Variants in GRIN3A observed in about 807,000 individuals in gnomAD.
GRIN3A encodes glutamate ionotropic receptor NMDA type subunit 3A.
In GRIN3A, 47 loss-of-function variants were observed where a neutral mutation model predicts 92.4. The ratio of observed to expected loss-of-function variants is 0.51; its 90% confidence interval spans 0.40 to 0.65. The LOEUF (loss-of-function observed/expected upper bound fraction) is 0.65, where lower values mean the gene tolerates loss of function less well. GRIN3A is among the 30% of genes least tolerant of loss of function. The pLI is 0.00. For synonymous variants in GRIN3A, 527 were observed against 540.6 expected, an observed-to-expected ratio of 0.97 and a Z score of 0.35; for missense variants, 1,324 against 1,393.1, an observed-to-expected ratio of 0.95 and a Z score of 0.79.
Position 101,737,439 on chromosome 9 carries a change from G to A in GRIN3A, c.541C>T (p.Leu181=). ...ACCACGGTATGGCACACACTTTGCA[G>A]GAAGGAGAAAGGGTCACTGCTCCAT... ...SPWSSDPFSF[L]QSVCHTVVVQ... The change falls in exon 1 of 9, where the codon CTG becomes TTG. Residue 181 remains leucine, a synonymous_variant. Coordinates refer to ENST00000361820, the MANE Select transcript of GRIN3A (RefSeq NM_133445.3). The A allele has an allele frequency of 6.2e-7, 1 of 1,614,252 alleles. No individual in the cohort carries two copies.
intron 6 of GRIN3A, among the ~76,000 whole-genome samples, chr9:101,600,246 C>T (rs1440112123): frequency 1.3e-5 from 2 of 152,230 alleles, no homozygotes; most frequent in East Asian, 3.9e-4. Flanking sequence ...ATAATTATTG[C>T]CTACTTTAGG....
At chr9:101,577,152 C>G (rs1370243696) in intron 8 of GRIN3A, among the ~76,000 whole-genome samples, 2 of 152,136 alleles carry the variant, frequency 1.3e-5, no homozygotes, top group Admixed American at 1.3e-4. Flanking sequence ...ATAAGATGCT[C>G]TTTGCTAGGG....
At chr9:101,589,097 A>T (rs1184661195) in intron 6 of GRIN3A, among the ~76,000 whole-genome samples, 1 of 152,020 alleles carries the variant, frequency 6.6e-6, no homozygotes, top group Admixed American at 6.6e-5. Context: ...CTGCCTCCCA[A>T]GTAGCTGGGA....
intron 2 of GRIN3A, among the ~76,000 whole-genome samples, chr9:101,677,795 TGGGACAG>T (rs1829418830): frequency 6.6e-6 from 1 of 152,148 alleles, no homozygotes; most frequent in South Asian, 2.1e-4. Context: ...TCTCCATATA[TGGGACAG>T]TTCTCCAAAT....
chr9:101,726,647 A>G (rs1830084942), intron 1 of GRIN3A, among the ~76,000 whole-genome samples: 1 of 151,844 alleles, frequency 6.6e-6, no homozygotes, highest in African/African-American at 2.4e-5. Context: ...CACTACCCAT[A>G]TGTTCCCATT....
intron 6 of GRIN3A, chr9:101,594,676 G>A (rs1296623488): frequency 4.3e-6 from 7 of 1,614,058 alleles, no homozygotes; most frequent in Non-Finnish European, 5.9e-6. Context: ...CCTTGACGCT[G>A]AACTGGGAGG....
rs1227218738 is a variant in GRIN3A at position 101,570,423 on chromosome 9, AACACAATACACTGTTTC to A, written c.*2734_*2750del. The A allele has an allele frequency of 6.6e-6, 1 of 152,646 alleles. No individual in the cohort carries two copies. The highest frequency in any genetic ancestry group is 1.5e-5 in the Non-Finnish European group (1 of 68,046). 9.5% of individuals were successfully genotyped at this position (152,646 alleles called of 1,614,324 possible). ...ACCATTTCATGACATCATTTTACAA[AACACAATACACTGTTTC>A]ACAAATTGCAAAACACTGTTCAGTT... On this transcript the variant is annotated 3_prime_UTR_variant, in exon 9 of 9. Transcript: ENST00000361820.
intron 6 of GRIN3A, chr9:101,593,647 A>G (rs1385263274): frequency 7.2e-5 from 11 of 152,304 alleles, no homozygotes; most frequent in Admixed American, 6.5e-5. Flanking sequence ...GGTCCCCTTC[A>G]TTGAAATTAA....
At chr9:101,711,496 A>G (rs183986815) in intron 1 of GRIN3A, among the ~76,000 whole-genome samples, 70 of 152,326 alleles carry the variant, frequency 4.6e-4, no homozygotes, top group African/African-American at 1.7e-3. Flanking sequence ...TATTCCACCC[A>G]TTACGTTTCT....
intron 1 of GRIN3A, among the ~76,000 whole-genome samples, chr9:101,717,714 G>C (rs2065965): frequency 0.92 from 139,743 of 152,272 alleles, 64,425 homozygotes; most frequent in Middle Eastern, 0.98. Context: ...TGTCAAGAAT[G>C]TTTGGCTACA....
intron 4 of GRIN3A, among the ~76,000 whole-genome samples, chr9:101,625,464 G>A (rs574111557): frequency 6.6e-6 from 1 of 152,180 alleles, no homozygotes; most frequent in Non-Finnish European, 1.5e-5. Flanking sequence ...GAATGGCTTT[G>A]TCTGGGTCAT....
chr9:101,615,713 G>C (rs942398057), intron 5 of GRIN3A, among the ~76,000 whole-genome samples: 1 of 152,134 alleles, frequency 6.6e-6, no homozygotes, highest in African/African-American at 2.4e-5. Context: ...TTCATGTAGG[G>C]ATTCATGCAG....
intron 6 of GRIN3A, among the ~76,000 whole-genome samples, chr9:101,603,247 A>T (rs1475007451): frequency 6.6e-6 from 1 of 152,216 alleles, no homozygotes; most frequent in African/African-American, 2.4e-5. Flanking sequence ...TGGGACCAAG[A>T]TGGGCCTAAG....
chr9:101,593,852 G>A (rs1304558336), intron 6 of GRIN3A: 2 of 152,778 alleles, frequency 1.3e-5, no homozygotes, highest in African/African-American at 4.8e-5. Flanking sequence ...TGGATGCATT[G>A]TGGGGAATGG....
At chr9:101,700,668 T>C in intron 1 of GRIN3A, among the ~76,000 whole-genome samples, 1 of 152,324 alleles carries the variant, frequency 6.6e-6, no homozygotes, top group South Asian at 2.1e-4. Context: ...AACACTGATA[T>C]ATATTTAAAA....
intron 5 of GRIN3A, among the ~76,000 whole-genome samples, chr9:101,619,315 C>T (rs753516058): frequency 1.3e-5 from 2 of 152,094 alleles, no homozygotes; most frequent in Non-Finnish European, 2.9e-5. Flanking sequence ...TATAAAGGTA[C>T]TATAAAATGG....
At chr9:101,669,509 T>C (rs1829287821) in intron 3 of GRIN3A, among the ~76,000 whole-genome samples, 1 of 152,124 alleles carries the variant, frequency 6.6e-6, no homozygotes, top group Admixed American at 6.6e-5. Flanking sequence ...AGGCCTTAGC[T>C]AATTCTGCCA....
Position 101,686,812 on chromosome 9 carries a change from T to C in GRIN3A, c.1088A>G (p.Glu363Gly). 2 of 1,614,156 alleles carry C rather than the reference T, an allele frequency of 1.2e-6. No homozygotes were observed. The highest frequency in any genetic ancestry group is 1.7e-6 in the Non-Finnish European group (2 of 1,180,032). ...RWVLGDSQNV[E>G]ELRTEGLPLG... ...GGGCAGACCCTCTGTCCTCAGTTCCTCCACATTCTGGGAATCTCCCAGCAC... is the reference window on the plus strand; with the variant it reads ...GGGCAGACCCTCTGTCCTCAGTTCCCCCACATTCTGGGAATCTCCCAGCAC... The change falls in exon 2 of 9, where the codon GAG (glutamate) becomes GGG (glycine). Residue 363 changes from glutamate (E) to glycine (G), a missense_variant. Physicochemically the swap from Glu to Gly is moderately conservative, Grantham distance 98. Transcript: ENST00000361820.
chr9:101,638,622 G>A (rs1828813834), intron 3 of GRIN3A, among the ~76,000 whole-genome samples: 2 of 152,210 alleles, frequency 1.3e-5, no homozygotes, highest in South Asian at 2.1e-4. Flanking sequence ...TGGTGATGAT[G>A]ATCATGATGT....
Sources: allele counts gnomAD v4.1 joint callset (sites outside exome capture counted in the v4.1 genomes callset), GRCh38; gene constraint gnomAD v4.1.1; transcripts MANE v1.5; gene names NCBI Gene and HGNC (gene_info 2026-07-23, HGNC 2026-07-21).